The following CEP85L variants were observed in gnomAD, a reference collection of about 807,000 sequenced individuals.
CEP85L encodes centrosomal protein of 85 kDa-like.
CEP85L carries 60 observed loss-of-function variants against 100.3 expected under a neutral mutation model. The observed-to-expected ratio is 0.60, with a 90% confidence interval of 0.49 to 0.74. The LOEUF is 0.74. Among genes scored for constraint, CEP85L ranks in the 30% least tolerant of loss-of-function variants. The probability of loss-of-function intolerance (pLI) is 0.00; values close to 1 mark genes in which losing one functional copy is unlikely to be tolerated. For synonymous variants in CEP85L, 319 were observed against 322.7 expected, an observed-to-expected ratio of 0.99 and a Z score of 0.12; for missense variants, 973 against 936.2, an observed-to-expected ratio of 1.04 and a Z score of -0.51.
At chr6:118,585,269 C>T (rs1421906883) in intron 2 of CEP85L, among the ~76,000 whole-genome samples, 2 of 152,208 alleles carry the variant, frequency 1.3e-5, no homozygotes, top group Non-Finnish European at 2.9e-5. Context: ...GCTCATGCTG[C>T]CATTTGGAAC....
intron 5 of CEP85L, among the ~76,000 whole-genome samples, chr6:118,509,946 C>CT (rs1775874028): frequency 2.0e-5 from 3 of 151,986 alleles, no homozygotes; most frequent in Non-Finnish European, 4.4e-5. Flanking sequence ...ATCTGTGTTC[C>CT]AATTAGACTA....
At chr6:118,700,565 G>C (rs1043547010) in intron 1 of CEP85L, among the ~76,000 whole-genome samples, 1 of 152,270 alleles carries the variant, frequency 6.6e-6, no homozygotes, top group East Asian at 1.9e-4. Flanking sequence ...GCATACCTTA[G>C]CACTCTTTCA....
At chr6:118,485,156 CA>C (rs1250018995) in intron 6 of CEP85L, among the ~76,000 whole-genome samples, 3 of 152,128 alleles carry the variant, frequency 2.0e-5, no homozygotes, top group Admixed American at 6.5e-5. Context: ...ATCTCATAGT[CA>C]AAGCTCTTTC....
chr6:118,607,363 G>C (rs1772299558), intron 2 of CEP85L, among the ~76,000 whole-genome samples: 1 of 152,126 alleles, frequency 6.6e-6, no homozygotes, highest in Non-Finnish European at 1.5e-5. Context: ...CCCACCCATT[G>C]CAGCAACACT....
At chr6:118,485,987 C>T (rs979435272) in intron 6 of CEP85L, among the ~76,000 whole-genome samples, 20 of 152,160 alleles carry the variant, frequency 1.3e-4, no homozygotes, top group African/African-American at 4.8e-4. Flanking sequence ...TCCTACTTTT[C>T]TTCTTTTTCT....
chr6:118,680,216 C>T (rs962451201), intron 1 of CEP85L, among the ~76,000 whole-genome samples: 15 of 150,148 alleles, frequency 1.0e-4, no homozygotes, highest in Non-Finnish European at 1.6e-4. Context: ...TCACTTGAGC[C>T]CAGGAGGACA....
chr6:118,514,043 A>G (rs908303629), intron 4 of CEP85L, among the ~76,000 whole-genome samples: 1 of 152,214 alleles, frequency 6.6e-6, no homozygotes. Flanking sequence ...CATTATACAT[A>G]AAATAGTATA....
chr6:118,512,045 T>G (rs1013220281), intron 4 of CEP85L, among the ~76,000 whole-genome samples: 3 of 151,768 alleles, frequency 2.0e-5, no homozygotes, highest in Non-Finnish European at 4.4e-5. Flanking sequence ...CCTGAAACAA[T>G]TTTTTAAAAA....
chr6:118,556,245 T>G lies in CEP85L; in HGVS notation c.1020+9284A>C, dbSNP rs1305280804. 2.6e-5 allele frequency among the ~76,000 whole-genome samples: 4 copies of G among 152,174 alleles called. No homozygotes were observed. In the East Asian group the frequency reaches 7.7e-4, roughly 29 times the overall value. On this transcript the variant is annotated intron_variant, in intron 3 of 12. Transcript: ENST00000368491. ...CTAAGTAGAAGTGTTATAGACAACC[T>G]AAATAACAGCCTTTAGCCACCTGTT...
rs191537108 is a variant in CEP85L, at chr6:118,651,428, G to A, written c.-159C>T. 9.7e-5 allele frequency: 130 copies of A among 1,339,080 alleles called. 1 individual carries two copies. In the African/African-American group the frequency reaches 1.5e-3, roughly 15 times the overall value. The allele number at this position is 1,339,080 out of a possible 1,614,324, so 82.9% of individuals were successfully genotyped here. ...TAACGGCTGCTCAGCTACGGGCGGG[G>A]AGCGCAGGGGCCAGATTCGCCGCAC... On this transcript the variant is annotated 5_prime_UTR_variant, in exon 1 of 13. Coordinates refer to ENST00000368491, the MANE Select transcript of CEP85L (RefSeq NM_001042475.3).
chr6:118,700,093 C>A (rs1038488905), intron 1 of CEP85L, among the ~76,000 whole-genome samples: 1 of 152,180 alleles, frequency 6.6e-6, no homozygotes, highest in Non-Finnish European at 1.5e-5. Context: ...AATCAGGAGC[C>A]CTTTTCAACC....
Position 118,491,811 on chromosome 6 carries a change from G to T in CEP85L, c.1312C>A (p.His438Asn). The T allele has an allele frequency of 1.2e-6, 2 of 1,612,634 alleles. No individual in the cohort carries two copies. Among genetic ancestry groups the T allele is most frequent in the Non-Finnish European group, 1.7e-6 (2 of 1,179,398 alleles). Reference protein sequence around the residue: ...QTPFSEESVSHSQQGEFEQKL... With the variant: ...QTPFSEESVSNSQQGEFEQKL... ...TGCTCAAATTCCCCTTGTTGGGAAT[G>T]GGAAACTGATTCCTCTGAAAATGGT... is the stretch of plus-strand genomic sequence containing the variant. Residue 438 changes from histidine (H) to asparagine (N), a missense_variant, in exon 6 of 13, where the codon CAT (histidine) becomes AAT (asparagine). Physicochemically the swap from His to Asn is moderately conservative, Grantham distance 68. This residue lies in a region of CEP85L where 890 missense variants were observed against 844.5 expected (regional missense o/e 1.05). Coordinates refer to ENST00000368491, the MANE Select transcript of CEP85L (RefSeq NM_001042475.3).
chr6:118,596,942 T>G (rs989169799), intron 2 of CEP85L, among the ~76,000 whole-genome samples: 2 of 152,148 alleles, frequency 1.3e-5, no homozygotes, highest in Non-Finnish European at 2.9e-5. Context: ...AATCCCCACA[T>G]GTCGTGGGAG....
At position 118,529,608 on chromosome 6, in the gene CEP85L, CAAAAAAAAA is replaced by C. The variant is rs55732442; in HGVS notation, c.1021-5697_1021-5689del. On this transcript the variant is annotated intron_variant, in intron 3 of 12. Transcript: ENST00000368491. ...GGGCGACAGAGCGAGACTCTGTCTC[CAAAAAAAAA>C]AAAAAAAAAAAAAAAAAAATTCTTA... Among the ~76,000 whole-genome samples, 13 of 92,532 alleles carry C rather than the reference CAAAAAAAAA, an allele frequency of 1.4e-4. 1 individual carries two copies. The East Asian group carries it at 2.6e-3, about 18-fold the overall frequency. 60.7% of individuals were successfully genotyped at this position (92,532 alleles called of 152,430 possible). A position where few individuals can be genotyped will look rare whatever the true frequency, so the allele number is the denominator to read the frequency against.
intron 1 of CEP85L, among the ~76,000 whole-genome samples, chr6:118,639,692 A>C (rs1774739785): frequency 6.6e-6 from 1 of 152,214 alleles, no homozygotes; most frequent in Non-Finnish European, 1.5e-5. Flanking sequence ...AACTGTGAAA[A>C]ATGAAAGGCA....
chr6:118,493,635 ATTAT>A (rs1270622518), intron 5 of CEP85L, among the ~76,000 whole-genome samples: 1 of 152,216 alleles, frequency 6.6e-6, no homozygotes, highest in African/African-American at 2.4e-5. Flanking sequence ...AGAGAAAATG[ATTAT>A]TTAAAGATGT....
intron 3 of CEP85L, among the ~76,000 whole-genome samples, chr6:118,548,132 C>T (rs1161008194): frequency 6.6e-6 from 1 of 152,060 alleles, no homozygotes; most frequent in Admixed American, 6.6e-5. Flanking sequence ...AAAGATGAAG[C>T]ACAAAGTGTT....
At chr6:118,476,957 C>T (rs970685033) in intron 10 of CEP85L, among the ~76,000 whole-genome samples, 4 of 152,106 alleles carry the variant, frequency 2.6e-5, no homozygotes, top group South Asian at 2.1e-4. Flanking sequence ...AAAAGGCTTA[C>T]GGATTTGAAA....
At chr6:118,569,341 CAAAAAAAAAAA>C (rs56123225) in intron 2 of CEP85L, among the ~76,000 whole-genome samples, 1,836 of 68,280 alleles carry the variant, frequency 0.027, 76 homozygotes, top group African/African-American at 0.11. Flanking sequence ...GACTCTGTCT[CAAAAAAAAAAA>C]AAAAAAAAAA....
Sources: allele counts gnomAD v4.1 joint callset (sites outside exome capture counted in the v4.1 genomes callset), GRCh38; gene constraint gnomAD v4.1.1; regional missense constraint gnomAD v4.1.1; transcripts MANE v1.5; gene names NCBI Gene and HGNC (gene_info 2026-07-23, HGNC 2026-07-21).